MTSS1: variants seen among roughly 807,000 people sequenced by gnomAD.
MTSS1 encodes the protein protein MTSS 1.
In MTSS1, 18 loss-of-function variants were observed where a neutral mutation model predicts 79.0. The ratio of observed to expected loss-of-function variants is 0.23; its 90% CI spans 0.16 to 0.34. MTSS1 has a LOEUF of 0.34. Among genes scored for constraint, MTSS1 ranks in the 10% least tolerant of loss-of-function variants. MTSS1 has a pLI of 1.00. For synonymous variants in MTSS1, 341 were observed against 368.6 expected, an observed-to-expected ratio of 0.93 and a Z score of 0.86; for missense variants, 815 against 986.2, an observed-to-expected ratio of 0.83 and a Z score of 2.33.
At chr8:124,615,015 T>C (rs1020678463) in intron 3 of MTSS1, among the ~76,000 whole-genome samples, 2 of 152,100 alleles carry the variant, frequency 1.3e-5, no homozygotes, top group Admixed American at 6.6e-5. Context: ...AGACAGTGTA[T>C]GTTGGAGGTT....
At chr8:124,689,098 CAGA>C (rs10567422) in intron 3 of MTSS1, among the ~76,000 whole-genome samples, 20,564 of 151,932 alleles carry the variant, frequency 0.14, 2,126 homozygotes, top group African/African-American at 0.29. Flanking sequence ...TTCTCGGTGA[CAGA>C]AGACCTTTTT....
chr8:124,639,067 T>C (rs1587494048), intron 3 of MTSS1, among the ~76,000 whole-genome samples: 1 of 152,236 alleles, frequency 6.6e-6, no homozygotes, highest in African/African-American at 2.4e-5. Context: ...GCCCAGGTGG[T>C]GGCTCATGCC....
chr8:124,643,555 A>G (rs1237547528), intron 3 of MTSS1, among the ~76,000 whole-genome samples: 1 of 152,036 alleles, frequency 6.6e-6, no homozygotes, highest in East Asian at 1.9e-4. Flanking sequence ...AAAATTAGCC[A>G]GGCGTGGTGG....
chr8:124,627,603 C>A (rs908259180), intron 3 of MTSS1, among the ~76,000 whole-genome samples: 2 of 152,216 alleles, frequency 1.3e-5, no homozygotes, highest in Non-Finnish European at 2.9e-5. Context: ...AGGAGGGTGT[C>A]AGGAAGAATT....
At chr8:124,604,391 C>A (rs1834446140) in intron 3 of MTSS1, among the ~76,000 whole-genome samples, 1 of 152,052 alleles carries the variant, frequency 6.6e-6, no homozygotes, top group Non-Finnish European at 1.5e-5. Context: ...TTCAAGGAAA[C>A]TAAGAGAAGA....
At chr8:124,603,627 A>G (rs1415092698) in intron 3 of MTSS1, among the ~76,000 whole-genome samples, 12 of 152,184 alleles carry the variant, frequency 7.9e-5, no homozygotes, top group Non-Finnish European at 1.6e-4. Context: ...GATGCCCTAC[A>G]TTTGTTTAAC....
chr8:124,578,387 C>T (rs1829390927), intron 6 of MTSS1, among the ~76,000 whole-genome samples: 1 of 152,064 alleles, frequency 6.6e-6, no homozygotes, highest in African/African-American at 2.4e-5. Flanking sequence ...TGAATATCCC[C>T]TCCTCATTCT....
chr8:124,696,959 C>G (rs993074211), intron 3 of MTSS1, among the ~76,000 whole-genome samples: 7 of 152,154 alleles, frequency 4.6e-5, no homozygotes, highest in African/African-American at 1.7e-4. Flanking sequence ...ACCCCCATCA[C>G]TTCTGCAGTG....
At chr8:124,558,662 CA>C in intron 10 of MTSS1, 1 of 1,480,460 alleles carries the variant, frequency 6.8e-7, no homozygotes, top group East Asian at 2.5e-5. Context: ...GAGCAGCAGG[CA>C]GGGGGACCAG....
chr8:124,683,837 T>C lies in MTSS1; in HGVS notation c.208+15689A>G, dbSNP rs890413413. Among the ~76,000 whole-genome samples the C allele has an allele frequency of 2.0e-5, 3 of 152,134 alleles. No individual in the cohort carries two copies. Among genetic ancestry groups the C allele is most frequent in the Non-Finnish European group, 4.4e-5 (3 of 68,022 alleles). On this transcript the variant is annotated intron_variant, in intron 3 of 13. Transcript: ENST00000518547. This position sits in a 1 kb window ranked among gnomAD's most constrained non-coding sequence, Gnocchi z 4.5. ...AGTGTCAATAAGAGAAGTTACCAAG[T>C]GGATGGTGGTGAGGCCATAACAAGC...
In MTSS1 at chr8:124,727,813, G is replaced by C; in HGVS notation, c.72+71C>G. 1 of 1,369,586 alleles carries C rather than the reference G, an allele frequency of 7.3e-7. No homozygotes were observed. Among genetic ancestry groups the C allele is most frequent in the South Asian group, 1.5e-5 (1 of 66,114 alleles). The allele number at this position is 1,369,586 out of a possible 1,614,324, so 84.8% of individuals were successfully genotyped here. A position where few individuals can be genotyped will look rare whatever the true frequency, so the allele number is the denominator to read the frequency against. ...GGAAGGGCCGGGTGCCCGGCCCGGG[G>C]TGGAGGCGAAGCGCGGCGGCGAGGT... On this transcript the variant is annotated intron_variant, in intron 1 of 13. Coordinates refer to ENST00000518547, the MANE Select transcript of MTSS1 (RefSeq NM_014751.6). This position sits in a 1 kb window ranked among gnomAD's most constrained non-coding sequence, Gnocchi z 4.7.
chr8:124,580,183 A>G (rs1829775759), intron 6 of MTSS1: 2 of 156,442 alleles, frequency 1.3e-5, no homozygotes, highest in South Asian at 3.6e-4. Flanking sequence ...TGTTTGTGGC[A>G]TAAATATATA....
rs115247089 is a variant in MTSS1 at position 124,715,905 on chromosome 8, C to T, written c.73-11714G>A. 2.9e-3 allele frequency among the ~76,000 whole-genome samples: 449 copies of T among 152,326 alleles called. 3 individuals carry two copies. The highest frequency in any genetic ancestry group is 0.01 in the African/African-American group (433 of 41,574). The stretch of plus-strand genomic sequence containing the variant: ...GCCCTGTCTTCATCTGTAAAGGACA[C>T]TGATGGCAGTCCCTGCCTCAAATGA... On this transcript the variant is annotated intron_variant, in intron 1 of 13. Transcript: ENST00000518547.
chr8:124,619,640 T>G (rs1813068968), intron 3 of MTSS1, among the ~76,000 whole-genome samples: 1 of 151,910 alleles, frequency 6.6e-6, no homozygotes, highest in Non-Finnish European at 1.5e-5. Flanking sequence ...CAAATGAACC[T>G]GCACAAAATA....
At chr8:124,663,266 C>T (rs1376447333) in intron 3 of MTSS1, among the ~76,000 whole-genome samples, 2 of 152,306 alleles carry the variant, frequency 1.3e-5, no homozygotes, top group African/African-American at 2.4e-5. Flanking sequence ...GACAGACAGA[C>T]AGACTGACAG....
intron 6 of MTSS1, chr8:124,568,830 T>C: frequency 6.9e-7 from 1 of 1,438,854 alleles, no homozygotes; most frequent in Non-Finnish European, 9.1e-7. Context: ...CCAACTCTTC[T>C]GCCAACACAA....
chr8:124,580,076 G>A (rs910957122), intron 6 of MTSS1: 1 of 153,196 alleles, frequency 6.5e-6, no homozygotes, highest in African/African-American at 2.4e-5. Context: ...GTTATGGAAA[G>A]AACTATATGG....
chr8:124,608,220 G>A (rs1441056017), intron 3 of MTSS1, among the ~76,000 whole-genome samples: 1 of 151,780 alleles, frequency 6.6e-6, no homozygotes, highest in Non-Finnish European at 1.5e-5. Flanking sequence ...CTCCTGCACT[G>A]TTTTCTTCCC....
intron 1 of MTSS1, among the ~76,000 whole-genome samples, chr8:124,722,379 C>G (rs1346652422): frequency 2.0e-5 from 3 of 152,240 alleles, no homozygotes; most frequent in Admixed American, 2.0e-4. Context: ...ATGAGAGAGC[C>G]CCAAGCCTAG....
Sources: gnomAD v4.1 joint callset for allele counts (sites outside exome capture counted in the v4.1 genomes callset) on GRCh38, gnomAD v4.1.1 for gene constraint, Gnocchi (gnomAD v3.1) non-coding constraint, MANE v1.5 for transcripts, NCBI Gene and HGNC (gene_info 2026-07-23, HGNC 2026-07-21) for gene names.